The following NUP153 variants were observed in gnomAD, a reference collection of about 807,000 sequenced individuals.
NUP153 encodes the protein nuclear pore complex protein Nup153.
NUP153 carries 27 observed loss-of-function variants against 134.6 expected under a neutral mutation model. That is an observed-to-expected ratio of 0.20 (90% CI 0.15 to 0.28). NUP153 has a LOEUF of 0.28. Among genes scored for constraint, NUP153 ranks in the 10% least tolerant of loss-of-function variants. The pLI, the probability that NUP153 is intolerant of heterozygous loss-of-function variation, is 1.00. For missense variants in NUP153, 1,821 were observed against 1,731.3 expected (o/e 1.05, Z -0.92); for synonymous variants, 640 against 623.5 (o/e 1.03, Z -0.40).
chr6:17,629,103 G>T lies in NUP153; in HGVS notation c.3096C>A (p.Thr1032=). 6.2e-7 allele frequency: 1 copy of T among 1,614,146 alleles called. No individual in the cohort carries two copies. Among genetic ancestry groups the T allele is most frequent in the Non-Finnish European group, 8.5e-7 (1 of 1,180,016 alleles). The change falls in exon 18 of 22, where the codon ACC becomes ACA. Residue 1032 remains threonine, a synonymous_variant. Transcript: ENST00000262077. The part of the protein sequence containing the change: ...FSFGTGVINS[T]PAPANTIVTS... ...TCACTATGGTGTTAGCAGGAGCAGG[G>T]GTGGAGTTAATAACACCTGTACCAA...
Position 17,701,844 on chromosome 6 carries a change from G to GGGA in NUP153, c.111+4432_111+4433insTCC, listed in dbSNP as rs1554148666. ...CAAGACTCTGTCTCGGGGGGGGGGG[G>GGGA]AAAAAAGCTAAATGCAGGAACTGAC... On this transcript the variant is annotated intron_variant, in intron 1 of 21. Transcript: ENST00000262077. Among the ~76,000 whole-genome samples, 812 of 81,710 alleles carry GGGA rather than the reference G, an allele frequency of 9.9e-3. 128 individuals are homozygous for GGGA. The highest frequency in any genetic ancestry group is 0.015 in the African/African-American group (346 of 23,180). The allele number at this position is 81,710 out of a possible 152,430, so 53.6% of individuals were successfully genotyped here.
In NUP153 at chr6:17,631,251, G is replaced by A. The variant is rs560869668; in HGVS notation, c.2659+1399C>T. On this transcript the variant is annotated intron_variant, in intron 17 of 21. Coordinates refer to ENST00000262077, the MANE Select transcript of NUP153 (RefSeq NM_005124.4). ...AGATTTCAATCATATAGACATATAC[G>A]CTGTGCAGGTGATGGCTCACAATAT... 3.9e-5 allele frequency among the ~76,000 whole-genome samples: 6 copies of A among 152,258 alleles called. No individual in the cohort carries two copies. In the East Asian group the frequency reaches 1.2e-3, roughly 29 times the overall value.
At chr6:17,674,815 T>C in intron 5 of NUP153, 90 bp downstream of exon 5, 3 of 1,065,252 alleles carry the variant, frequency 2.8e-6, no homozygotes, top group Middle Eastern at 2.4e-4. Flanking sequence ...AAATCAAAAC[T>C]ATTTTTTTGA....
At chr6:17,682,081 G>A (rs1314909182) in intron 2 of NUP153, among the ~76,000 whole-genome samples, 1 of 152,144 alleles carries the variant, frequency 6.6e-6, no homozygotes. Context: ...ATGGCAGCAC[G>A]CTCTTGTAGT....
intron 11 of NUP153, among the ~76,000 whole-genome samples, chr6:17,660,596 A>C (rs79240416): frequency 6.7e-6 from 1 of 150,340 alleles, no homozygotes; most frequent in Non-Finnish European, 1.5e-5. Context: ...ATAAGAAATT[A>C]TATATATATC....
At position 17,644,776 on chromosome 6, in the gene NUP153, C is replaced by CTA. The variant is rs1440416897; in HGVS notation, c.1720+1289_1720+1290dup. ...TGGCCAAACGTGGTGAAACACCTCT[C>CTA]TACTAAAAATACAAAAAATTAGCCA... On this transcript the variant is annotated intron_variant, in intron 14 of 21. Coordinates refer to ENST00000262077, the MANE Select transcript of NUP153 (RefSeq NM_005124.4). Among the ~76,000 whole-genome samples the CTA allele has an allele frequency of 5.9e-5, 9 of 152,186 alleles. 1 individual carries two copies. In the South Asian group the frequency reaches 1.5e-3, roughly 25 times the overall value.
At chr6:17,616,276 G>GGT in intron 21 of NUP153, 95 bp from the exon 22 acceptor site, 1 of 441,946 alleles carries the variant, frequency 2.3e-6, no homozygotes, top group Non-Finnish European at 4.0e-6. Flanking sequence ...GGTAAGGGGG[G>GGT]TCGGGTGGGG....
At chr6:17,618,139 C>A (rs1764436282) in intron 20 of NUP153, among the ~76,000 whole-genome samples, 1 of 152,092 alleles carries the variant, frequency 6.6e-6, no homozygotes, top group South Asian at 2.1e-4. Context: ...ATCTGACAGA[C>A]TAAGTGAAAA....
Position 17,629,065 on chromosome 6 carries a change from T to C in NUP153, c.3134A>G (p.Lys1045Arg). Reference sequence around the variant, plus strand: ...TATGGTTCCAAGGTTGAAGCTGCTCTTGTTCTCAGAGGTCACTATGGTGTT... The same window carrying C: ...TATGGTTCCAAGGTTGAAGCTGCTCCTGTTCTCAGAGGTCACTATGGTGTT... ...PANTIVTSEN[K>R]SSFNLGTIET... is the part of the protein sequence containing the mutation. The change falls in exon 18 of 22, where the codon AAG becomes AGG. Residue 1045 changes from lysine (K) to arginine (R), a missense_variant. Physicochemically the swap from Lys to Arg is conservative, Grantham distance 26. Coordinates refer to ENST00000262077, the MANE Select transcript of NUP153 (RefSeq NM_005124.4). 2 of 1,614,222 alleles carry C rather than the reference T, an allele frequency of 1.2e-6. No individual in the cohort carries two copies. Among genetic ancestry groups the C allele is most frequent in the Non-Finnish European group, 1.7e-6 (2 of 1,180,030 alleles).
chr6:17,620,658 C>T (rs1229464508), intron 20 of NUP153, among the ~76,000 whole-genome samples: 1 of 152,154 alleles, frequency 6.6e-6, no homozygotes, highest in Non-Finnish European at 1.5e-5. Flanking sequence ...CATAAACTTT[C>T]TTAAAACGTG....
chr6:17,701,835 G>GGGGC (rs1770111795), intron 1 of NUP153, among the ~76,000 whole-genome samples: 2 of 99,908 alleles, frequency 2.0e-5, no homozygotes, highest in Non-Finnish European at 4.4e-5. Context: ...TCTGTCTCGG[G>GGGGC]GGGGGGGGGA....
chr6:17,629,563 CAT>C, intron 17 of NUP153, 24 bp from the exon 18 acceptor site: 2 of 1,553,560 alleles, frequency 1.3e-6, no homozygotes, highest in South Asian at 1.3e-5. Flanking sequence ...AAAGACACCA[CAT>C]AGACACTCAA....
chr6:17,616,290 G>GGGGGGGGGGCCCC, intron 21 of NUP153, 109 bp from the exon 22 acceptor site: 3 of 473,858 alleles, frequency 6.3e-6, no homozygotes, highest in Non-Finnish European at 7.8e-6. Flanking sequence ...GGTGGGGGGG[G>GGGGGGGGGGCCCC]AGTAGACTCA....
intron 1 of NUP153, among the ~76,000 whole-genome samples, chr6:17,692,930 T>C (rs185571147): frequency 6.6e-6 from 1 of 152,270 alleles, no homozygotes; most frequent in East Asian, 1.9e-4. Flanking sequence ...TTCAGTTATC[T>C]AGAAAAAATA....
At position 17,669,339 on chromosome 6, in the gene NUP153, T is replaced by C; in HGVS notation, c.970-2A>G. ...AATGGATGGAATTCTTTTTGCATCCTGTTAAAGTTGAAAAAATAACAAAAT... is the reference window on the plus strand; with the variant it reads ...AATGGATGGAATTCTTTTTGCATCCCGTTAAAGTTGAAAAAATAACAAAAT... On this transcript the variant is annotated splice_acceptor_variant, in intron 6 of 21. Transcript: ENST00000262077. LOFTEE classifies it high-confidence loss of function. The C allele has an allele frequency of 6.2e-7, 1 of 1,609,586 alleles. No homozygotes were observed. The highest frequency in any genetic ancestry group is 1.1e-5 in the South Asian group (1 of 90,886).
intron 13 of NUP153, among the ~76,000 whole-genome samples, chr6:17,647,177 G>C (rs1409900068): frequency 6.6e-6 from 1 of 152,132 alleles, no homozygotes; most frequent in African/African-American, 2.4e-5. Context: ...CAAGGACACA[G>C]TCAAAACTAG....
intron 11 of NUP153, among the ~76,000 whole-genome samples, chr6:17,654,403 C>T (rs924103771): frequency 1.3e-5 from 2 of 151,748 alleles, no homozygotes; most frequent in Non-Finnish European, 2.9e-5. Flanking sequence ...CTCACTGCAA[C>T]CTCTGCCTTC....
chr6:17,635,910 A>G (rs2113782217), intron 16 of NUP153, among the ~76,000 whole-genome samples: 1 of 152,364 alleles, frequency 6.6e-6, no homozygotes, highest in Non-Finnish European at 1.5e-5. Context: ...TGTGTAACAA[A>G]TTACTTCCTG....
chr6:17,616,295 G>C, intron 21 of NUP153, 114 bp from the exon 22 acceptor site: 2 of 598,302 alleles, frequency 3.3e-6, no homozygotes, highest in African/African-American at 1.9e-5. Flanking sequence ...GGGGGGAGTA[G>C]ACTCACATTG....
Sources: gnomAD v4.1 joint callset for allele counts (sites outside exome capture counted in the v4.1 genomes callset) on GRCh38, gnomAD v4.1.1 for gene constraint, MANE v1.5 for transcripts, NCBI Gene and HGNC (gene_info 2026-07-23, HGNC 2026-07-21) for gene names.